The following SYMPK variants were observed in gnomAD, a reference collection of about 807,000 sequenced individuals.
The protein encoded by SYMPK is symplekin.
A neutral mutation model predicts 136.4 loss-of-function variants in SYMPK; 49 were observed. The ratio of observed to expected loss-of-function variants is 0.36; its 90% CI spans 0.29 to 0.46. The LOEUF is 0.46. Among genes scored for constraint, SYMPK ranks in the 20% least tolerant of loss-of-function variants. SYMPK has a pLI of 1.00. For missense variants in SYMPK, 1,365 were observed against 1,690.0 expected (o/e 0.81, Z 3.37); for synonymous variants, 766 against 713.0 (o/e 1.07, Z -1.19).
chr19:45,857,727 G>A (rs554131563), intron 1 of SYMPK, among the ~76,000 whole-genome samples: 10 of 151,530 alleles, frequency 6.6e-5, no homozygotes, highest in East Asian at 3.9e-4. Flanking sequence ...TCCTGACCTC[G>A]TGATCCGCCC....
intron 16 of SYMPK, 93 bp downstream of exon 16, chr19:45,827,417 G>A (rs893891038): frequency 2.3e-5 from 19 of 816,740 alleles, no homozygotes; most frequent in Non-Finnish European, 4.0e-5. Context: ...AACTTGCAAG[G>A]GAGTGTGGAA....
chr19:45,848,092 A>G, intron 6 of SYMPK, 91 bp from the exon 7 acceptor site: 1 of 1,431,644 alleles, frequency 7.0e-7, no homozygotes, highest in East Asian at 2.3e-5. Context: ...TACCCAGAGA[A>G]CCATGAATGA....
chr19:45,827,795 T>C (rs1377154890), intron 15 of SYMPK, 42 bp downstream of exon 15: 2 of 1,589,386 alleles, frequency 1.3e-6, no homozygotes, highest in South Asian at 1.1e-5. Flanking sequence ...GGCAGGGCCC[T>C]GTCCCCTGCC....
chr19:45,862,302 C>T (rs957072869), intron 1 of SYMPK, among the ~76,000 whole-genome samples: 1 of 152,142 alleles, frequency 6.6e-6, no homozygotes, highest in African/African-American at 2.4e-5. Flanking sequence ...CCTTCCCTCT[C>T]GATGTACTCG....
In SYMPK at chr19:45,854,399, A is replaced by T; in HGVS notation, c.97T>A (p.Ser33Thr). 6.2e-7 allele frequency: 1 copy of T among 1,614,000 alleles called. No homozygotes were observed. Residue 33 changes from serine (S) to threonine (T), a missense_variant, in exon 2 of 27, where the codon TCA (serine) becomes ACA (threonine). Ser to Thr is a moderately conservative substitution (Grantham distance 58). This residue lies in a region of SYMPK where 61 missense variants were observed against 80.7 expected (regional missense o/e 0.76). Transcript: ENST00000245934. ...EGPGIDGMTT[S>T]ERVVDLLNQA... ...CTACCCGCCACGCTCACCCTCTCTG[A>T]GGTGGTCATGCCATCGATGCCCGGC...
Position 45,826,359 on chromosome 19 carries a change from G to A in SYMPK, c.2196C>T (p.Ala732=). The A allele has an allele frequency of 2.5e-6, 4 of 1,614,116 alleles. No individual in the cohort carries two copies. The highest frequency in any genetic ancestry group is 2.2e-5 in the East Asian group (1 of 44,886). Reference sequence around the variant, plus strand: ...CATACATGCGTTTGATGAACAGCAGGGCCTGGGAGCGCACCTGAGGAGGAA... The same window carrying A: ...CATACATGCGTTTGATGAACAGCAGAGCCTGGGAGCGCACCTGAGGAGGAA... ...SHEKDKVRSQ[A]LLFIKRMYEK... The change falls in exon 17 of 27, where the codon GCC becomes GCT. Residue 732 remains alanine, a synonymous_variant. Transcript: ENST00000245934.
At position 45,847,901 on chromosome 19, in the gene SYMPK, T is replaced by C. The variant is rs1395236377; in HGVS notation, c.527A>G (p.Asn176Ser). 1.9e-6 allele frequency: 3 copies of C among 1,613,988 alleles called. No homozygotes were observed. The highest frequency in any genetic ancestry group is 1.7e-6 in the Non-Finnish European group (2 of 1,179,974). Residue 176 changes from asparagine (N) to serine (S), a missense_variant, in exon 7 of 27, where the codon AAT becomes AGT. Around this residue, in one of 11 missense-constraint regions of SYMPK, gnomAD observed 237 missense variants for 292.9 expected, o/e 0.81. Coordinates refer to ENST00000245934, the MANE Select transcript of SYMPK (RefSeq NM_004819.3). ...GDIILLLDSDNDGIRTHAIKF... is the reference protein window; with the variant it reads ...GDIILLLDSDSDGIRTHAIKF... ...GATGGCGTGGGTGCGGATGCCGTCA[T>C]TGTCAGAGTCCAATAGCAGGATGAT...
intron 13 of SYMPK, 146 bp downstream of exon 13, chr19:45,829,908 G>C (rs1230006204): frequency 1.1e-6 from 1 of 897,890 alleles, no homozygotes; most frequent in South Asian, 1.8e-5. Context: ...GAGGATGGGA[G>C]TGATCTGGAG....
Position 45,816,855 on chromosome 19 carries a change from C to T in SYMPK, c.3201G>A (p.Lys1067=), listed in dbSNP as rs1970755950. 6.5e-7 allele frequency: 1 copy of T among 1,549,238 alleles called. No individual in the cohort carries two copies. Among genetic ancestry groups the T allele is most frequent in the Admixed American group, 2.0e-5 (1 of 50,122 alleles). Residue 1067 remains lysine, a synonymous_variant, in exon 24 of 27, where the codon AAG becomes AAA. Coordinates refer to ENST00000245934, the MANE Select transcript of SYMPK (RefSeq NM_004819.3). ...GCAGGGGCTCCCGGAGCTCTGGGCA[C>T]TTGTCAAAGACGGCTCCCAGCTGCT... The part of the protein sequence containing the change: ...PPQQLGAVFD[K]CPELREPLLA...
At chr19:45,830,029 G>A in intron 13 of SYMPK, 25 bp downstream of exon 13, 1 of 1,532,452 alleles carries the variant, frequency 6.5e-7, no homozygotes, top group Non-Finnish European at 8.8e-7. Context: ...CTGGAAGGAT[G>A]GGGTGGGGGG....
At chr19:45,857,264 G>T (rs1354081232) in intron 1 of SYMPK, among the ~76,000 whole-genome samples, 5 of 150,846 alleles carry the variant, frequency 3.3e-5, no homozygotes, top group African/African-American at 1.2e-4. Flanking sequence ...AAAAAAATAT[G>T]CCGGGCATGG....
intron 8 of SYMPK, among the ~76,000 whole-genome samples, chr19:45,843,713 G>A (rs553410843): frequency 2.0e-5 from 3 of 151,926 alleles, no homozygotes; most frequent in African/African-American, 4.8e-5. Context: ...TTAGGAGGCC[G>A]AGGCAGGCGA....
Position 45,835,247 on chromosome 19 carries a change from G to A in SYMPK, c.1243-19C>T. The A allele has an allele frequency of 1.9e-6, 3 of 1,557,570 alleles. No homozygotes were observed. The highest frequency in any genetic ancestry group is 2.6e-6 in the Non-Finnish European group (3 of 1,151,660). On this transcript the variant is annotated intron_variant, in intron 10 of 26. Transcript: ENST00000245934. ...TGAGGACCTGTGGGATGCCCAGGAA[G>A]AGAGCCTCTCCTTAATCATTAACTC...
At chr19:45,824,295 T>C (rs8107485) in intron 18 of SYMPK, 164,527 of 189,458 alleles carry the variant, frequency 0.87, 71,725 homozygotes, top group African/African-American at 0.95. Context: ...CTGAGCCTGC[T>C]CTGCGGTGAA....
At chr19:45,833,417 C>G (rs1421326843) in intron 11 of SYMPK, among the ~76,000 whole-genome samples, 1 of 151,906 alleles carries the variant, frequency 6.6e-6, no homozygotes, top group Non-Finnish European at 1.5e-5. Flanking sequence ...CTGGCTAACA[C>G]GGTGAAACCC....
rs760636520 is a variant in SYMPK at position 45,815,890 on chromosome 19, G to A, written c.3648C>T (p.Ala1216=). 11 of 1,611,708 alleles carry A rather than the reference G, an allele frequency of 6.8e-6. No individual in the cohort carries two copies. The highest frequency in any genetic ancestry group is 6.6e-5 in the South Asian group (6 of 90,946). The change falls in exon 26 of 27, where the codon GCC becomes GCT. Residue 1216 remains alanine, a synonymous_variant. Transcript: ENST00000245934. ...CCTCGAGACTAGAGTCCAACAGCGC[G>A]GCCTCGGTCAGCCCCGAGTCGTCAT... The part of the protein sequence containing the change: ...SMDDDSGLTE[A]ALLDSSLEGP...
chr19:45,816,446 C>T (rs766639088), intron 25 of SYMPK, 36 bp downstream of exon 25: 1 of 1,592,034 alleles, frequency 6.3e-7, no homozygotes, highest in Non-Finnish European at 8.5e-7. Flanking sequence ...GGGTGGGAGT[C>T]TGGGGATCCA....
At chr19:45,844,516 T>C (rs1168423507) in intron 7 of SYMPK, among the ~76,000 whole-genome samples, 1 of 151,952 alleles carries the variant, frequency 6.6e-6, no homozygotes, top group Non-Finnish European at 1.5e-5. Flanking sequence ...CTACTAAAAA[T>C]ACAAGAAATT....
rs1971066663 is a variant in SYMPK, at chr19:45,827,377, AC to A, written c.2181+132del. On this transcript the variant is annotated intron_variant, in intron 16 of 26. Coordinates refer to ENST00000245934, the MANE Select transcript of SYMPK (RefSeq NM_004819.3). ...TAAAACAGACAGAAATAGCCAAAAA[AC>A]CACTGAAAGAAGGGAATGGGCCCAG... 4 of 658,448 alleles carry A rather than the reference AC, an allele frequency of 6.1e-6. No homozygotes were observed. The East Asian group carries it at 1.1e-4, about 18-fold the overall frequency. The allele number at this position is 658,448 out of a possible 1,614,324, so 40.8% of individuals were successfully genotyped here. A position where few individuals can be genotyped will look rare whatever the true frequency, so the allele number is the denominator to read the frequency against.
Sources: gnomAD v4.1 joint callset for allele counts (sites outside exome capture counted in the v4.1 genomes callset) on GRCh38, gnomAD v4.1.1 for gene constraint, gnomAD v4.1.1 regional missense constraint, MANE v1.5 for transcripts, NCBI Gene and HGNC (gene_info 2026-07-23, HGNC 2026-07-21) for gene names.